SLC19A3: variants seen among roughly 807,000 people sequenced by gnomAD.
SLC19A3 encodes thiamine transporter 2.
Under a neutral mutation model 40.2 loss-of-function variants are expected in SLC19A3, and 31 were observed. That is an observed-to-expected ratio of 0.77 (90% CI 0.58 to 1.04). The LOEUF is 1.04. Ranked by LOEUF, SLC19A3 falls within the 50% of genes least tolerant of loss-of-function variation. The pLI is 0.00. For synonymous variants in SLC19A3, 212 were observed against 227.5 expected (o/e 0.93, Z 0.61); for missense variants, 592 against 596.7 (o/e 0.99, Z 0.08).
intron 1 of SLC19A3, 23 bp downstream of exon 1, chr2:227,717,920 T>C (rs1218983516): frequency 2.0e-6 from 2 of 984,108 alleles, no homozygotes; most frequent in African/African-American, 3.5e-5. Context: ...CTTCAATTAA[T>C]TCGCCCCCCG....
chr2:227,714,491 A>C (rs1021992200), intron 1 of SLC19A3: 55 of 985,380 alleles, frequency 5.6e-5, no homozygotes, highest in Middle Eastern at 1.0e-3. Context: ...TCTAGAACCA[A>C]GCTGGCTTCC....
At chr2:227,687,725 C>G (rs1695072321) in intron 5 of SLC19A3, 152 bp from the exon 6 acceptor site, 1 of 737,416 alleles carries the variant, frequency 1.4e-6, no homozygotes, top group African/African-American at 1.8e-5. Flanking sequence ...ACTCTCCTAT[C>G]AAGTAAGAAA....
chr2:227,702,227 G>A lies in SLC19A3; in HGVS notation c.92C>T (p.Ser31Leu), dbSNP rs1404181786. ...LFGFFSMMRP[S>L]EPFLIPYLSG... ...TAAATATGGGATAAGGAATGGTTCT[G>A]AGGGTCTCATCATGGAGAAAAAACC... Residue 31 changes from serine to leucine, a missense_variant, in exon 2 of 6, where the codon TCA (serine) becomes TTA (leucine). Physicochemically the swap from Ser to Leu is moderately radical, Grantham distance 145. Coordinates refer to ENST00000644224, the MANE Select transcript of SLC19A3 (RefSeq NM_025243.4). 2 of 1,613,884 alleles carry A rather than the reference G, an allele frequency of 1.2e-6. No homozygotes were observed. The highest frequency in any genetic ancestry group is 2.2e-5 in the East Asian group (1 of 44,870).
intron 1 of SLC19A3, among the ~76,000 whole-genome samples, chr2:227,714,796 C>T (rs1696275219): frequency 6.8e-6 from 1 of 146,576 alleles, no homozygotes; most frequent in African/African-American, 2.5e-5. Flanking sequence ...ACACCTTTCC[C>T]TGACTATTCT....
chr2:227,713,686 A>G (rs1696226713), intron 1 of SLC19A3, among the ~76,000 whole-genome samples: 1 of 152,070 alleles, frequency 6.6e-6, no homozygotes, highest in African/African-American at 2.4e-5. Context: ...AGCCTCCATA[A>G]CTGTAAGAAA....
At chr2:227,705,125 G>C (rs1015271870) in intron 1 of SLC19A3, among the ~76,000 whole-genome samples, 1 of 151,890 alleles carries the variant, frequency 6.6e-6, no homozygotes, top group East Asian at 2.0e-4. Flanking sequence ...TGATCCGCCC[G>C]CCTCAGCCTC....
Position 227,696,080 on chromosome 2 carries a change from C to A in SLC19A3, c.981G>T (p.Gly327=), listed in dbSNP as rs751978779. ...GAVEAIATFG[G]AVAAFAVGYV... ...AACCCACTGCAAAGGCAGCCACAGC[C>A]CCTGAAAAAAAACATTGAAGGCAAT... The change falls in exon 4 of 6, where the codon GGG becomes GGT. Residue 327 remains glycine, a splice_region_variant and synonymous_variant. Transcript: ENST00000644224. 3 of 1,503,574 alleles carry A rather than the reference C, an allele frequency of 2.0e-6. No homozygotes were observed. Among genetic ancestry groups the A allele is most frequent in the Non-Finnish European group, 2.7e-6 (3 of 1,126,946 alleles). 93.1% of individuals were successfully genotyped at this position (1,503,574 alleles called of 1,614,324 possible). A position where few individuals can be genotyped will look rare whatever the true frequency, so the allele number is the denominator to read the frequency against.
At chr2:227,695,719 G>A in intron 4 of SLC19A3, 170 bp downstream of exon 4, 2 of 673,628 alleles carry the variant, frequency 3.0e-6, no homozygotes, top group East Asian at 2.7e-5. Context: ...AATATTCAGA[G>A]AGCAAATAGT....
intron 4 of SLC19A3, among the ~76,000 whole-genome samples, chr2:227,689,185 T>C (rs1023399306): frequency 3.3e-5 from 5 of 151,962 alleles, no homozygotes; most frequent in African/African-American, 7.3e-5. Context: ...AAGAAATAGA[T>C]AGAGGTAGAA....
intron 2 of SLC19A3, chr2:227,701,209 C>T: frequency 2.8e-6 from 2 of 720,710 alleles, no homozygotes; most frequent in Non-Finnish European, 4.0e-6. Flanking sequence ...CACCCATCAG[C>T]CTTGCAGGCG....
At chr2:227,687,672 C>T in intron 5 of SLC19A3, 99 bp from the exon 6 acceptor site, 1 of 1,288,570 alleles carries the variant, frequency 7.8e-7, no homozygotes, top group Non-Finnish European at 1.1e-6. Flanking sequence ...TATGGGGTAA[C>T]TGAGACCCAG....
At chr2:227,707,855 G>A (rs914975644) in intron 1 of SLC19A3, among the ~76,000 whole-genome samples, 1 of 152,104 alleles carries the variant, frequency 6.6e-6, no homozygotes, top group African/African-American at 2.4e-5. Flanking sequence ...AGCCTCCCAA[G>A]TAGTTGAGAT....
intron 1 of SLC19A3, among the ~76,000 whole-genome samples, 170 bp downstream of exon 1, chr2:227,717,773 G>C (rs546243730): frequency 5.3e-5 from 8 of 152,252 alleles, no homozygotes; most frequent in African/African-American, 1.7e-4. Flanking sequence ...CCCAGCACGC[G>C]GGCTGCGGCG....
At chr2:227,715,653 T>C (rs970406620) in intron 1 of SLC19A3, among the ~76,000 whole-genome samples, 5 of 152,198 alleles carry the variant, frequency 3.3e-5, no homozygotes, top group African/African-American at 1.2e-4. Context: ...GTTATGTCTA[T>C]GTTCAGATCA....
chr2:227,718,015 A>T lies in SLC19A3; in HGVS notation c.-75T>A. The T allele has an allele frequency of 2.0e-6, 2 of 984,992 alleles. No individual in the cohort carries two copies. Among genetic ancestry groups the T allele is most frequent in the South Asian group, 9.4e-5 (2 of 21,278 alleles). 61.0% of individuals were successfully genotyped at this position (984,992 alleles called of 1,614,324 possible). A position where few individuals can be genotyped will look rare whatever the true frequency, so the allele number is the denominator to read the frequency against. Reference sequence around the variant, plus strand: ...CCACGCACCCGCGGCTGTCGGATGGATCCAGGCGCTCTTGGTGGGAAGGGG... The same window carrying T: ...CCACGCACCCGCGGCTGTCGGATGGTTCCAGGCGCTCTTGGTGGGAAGGGG... On this transcript the variant is annotated 5_prime_UTR_variant, in exon 1 of 6. Coordinates refer to ENST00000644224, the MANE Select transcript of SLC19A3 (RefSeq NM_025243.4).
chr2:227,689,202 T>C (rs1695130758), intron 4 of SLC19A3, among the ~76,000 whole-genome samples: 2 of 152,160 alleles, frequency 1.3e-5, no homozygotes, highest in African/African-American at 2.4e-5. Flanking sequence ...AGAAAGTTTA[T>C]TCAAAGGGAT....
intron 4 of SLC19A3, among the ~76,000 whole-genome samples, chr2:227,693,187 GA>G (rs200905219): frequency 0.033 from 4,963 of 152,040 alleles, 114 homozygotes; most frequent in Non-Finnish European, 0.05. Context: ...CACAGAAATA[GA>G]AAAAGCAATT....
At chr2:227,708,810 CA>C (rs201700390) in intron 1 of SLC19A3, among the ~76,000 whole-genome samples, 26 of 151,420 alleles carry the variant, frequency 1.7e-4, no homozygotes, top group African/African-American at 5.3e-4. Flanking sequence ...TAGTGGGAAA[CA>C]AAAAAAAATT....
Position 227,703,728 on chromosome 2 carries a change from G to GT in SLC19A3, c.-2-1409_-2-1408insA, listed in dbSNP as rs1695806326. 6.6e-6 allele frequency among the ~76,000 whole-genome samples: 1 copy of GT among 152,100 alleles called. No homozygotes were observed. The highest frequency in any genetic ancestry group is 1.5e-5 in the Non-Finnish European group (1 of 68,036). ...CTGTCCTGGACAGGTGATCACTGAGGCTTGGTCATCTTCTGAAGAGTGGTC... is the reference window on the plus strand; with the variant it reads ...CTGTCCTGGACAGGTGATCACTGAGGTCTTGGTCATCTTCTGAAGAGTGGTC... On this transcript the variant is annotated intron_variant, in intron 1 of 5. Coordinates refer to ENST00000644224, the MANE Select transcript of SLC19A3 (RefSeq NM_025243.4). The surrounding 1 kb of genome is among the most constrained non-coding windows in gnomAD (Gnocchi z 4.7).
Sources: gnomAD v4.1 joint callset for allele counts (sites outside exome capture counted in the v4.1 genomes callset) on GRCh38, gnomAD v4.1.1 for gene constraint, Gnocchi (gnomAD v3.1) non-coding constraint, MANE v1.5 for transcripts, NCBI Gene and HGNC (gene_info 2026-07-23, HGNC 2026-07-21) for gene names.